The following KIAA1549 variants were observed in gnomAD, a reference collection of about 807,000 sequenced individuals.
The protein encoded by KIAA1549 is KIAA1549.
In KIAA1549, 70 loss-of-function variants were observed where a neutral mutation model predicts 156.4. The observed-to-expected ratio is 0.45, with a 90% confidence interval of 0.37 to 0.55. The LOEUF (loss-of-function observed/expected upper bound fraction) is 0.55. Among genes scored for constraint, KIAA1549 ranks in the 20% least tolerant of loss-of-function variants. KIAA1549 has a pLI of 0.00. For synonymous variants in KIAA1549, 1,103 were observed against 1,066.4 expected, an observed-to-expected ratio of 1.03 and a Z score of -0.67; for missense variants, 2,428 against 2,540.9, an observed-to-expected ratio of 0.96 and a Z score of 0.96.
rs2130317236 is a variant in KIAA1549, at chr7:138,837,278, C to T, written c.*628G>A. 4.4e-6 allele frequency: 1 copy of T among 228,388 alleles called. No homozygotes were observed. Among genetic ancestry groups the T allele is most frequent in the South Asian group, 1.8e-4 (1 of 5,470 alleles). 14.1% of individuals were successfully genotyped at this position (228,388 alleles called of 1,614,324 possible). A position where few individuals can be genotyped will look rare whatever the true frequency, so the allele number is the denominator to read the frequency against. On this transcript the variant is annotated 3_prime_UTR_variant, in exon 20 of 20. Coordinates refer to ENST00000422774, the MANE Select transcript of KIAA1549 (RefSeq NM_001164665.2). Reference sequence around the variant, plus strand: ...ACATGAAGGTGAAGGGCCCTTGGAGCTGTAGCACCAGAAGAAGGAGGAAGA... The same window carrying T: ...ACATGAAGGTGAAGGGCCCTTGGAGTTGTAGCACCAGAAGAAGGAGGAAGA...
chr7:138,888,664 G>A (rs1476497627), intron 10 of KIAA1549, among the ~76,000 whole-genome samples: 1 of 152,186 alleles, frequency 6.6e-6, no homozygotes, highest in Non-Finnish European at 1.5e-5. Flanking sequence ...ATTGATGTAT[G>A]TATGGGCAGA....
At chr7:138,928,434 G>A (rs1028178212) in intron 1 of KIAA1549, among the ~76,000 whole-genome samples, 2 of 151,094 alleles carry the variant, frequency 1.3e-5, no homozygotes, top group East Asian at 2.0e-4. Flanking sequence ...CTATAGGCAC[G>A]TGCCACCACG....
chr7:138,856,405 C>T (rs1993068), intron 16 of KIAA1549, among the ~76,000 whole-genome samples: 12 of 151,818 alleles, frequency 7.9e-5, no homozygotes, highest in African/African-American at 2.2e-4. Context: ...CAGCACCATC[C>T]GCCATTAAAC....
intron 1 of KIAA1549, among the ~76,000 whole-genome samples, chr7:138,935,408 C>A (rs1812981952): frequency 6.6e-6 from 1 of 152,138 alleles, no homozygotes; most frequent in Non-Finnish European, 1.5e-5. Context: ...TTTCACCAAC[C>A]TAGAAAGCAA....
chr7:138,912,351 T>C (rs1027153575), intron 3 of KIAA1549, 21 bp downstream of exon 3: 2 of 1,597,622 alleles, frequency 1.3e-6, no homozygotes, highest in Non-Finnish European at 1.7e-6. Context: ...GACATCACAC[T>C]CCTGAGCCAC....
Position 138,904,918 on chromosome 7 carries a change from T to G in KIAA1549, c.3520+104A>C. 4 of 709,658 alleles carry G rather than the reference T, an allele frequency of 5.6e-6. No homozygotes were observed. In the South Asian group the frequency reaches 7.2e-5, roughly 13 times the overall value. 44.0% of individuals were successfully genotyped at this position (709,658 alleles called of 1,614,324 possible). A position where few individuals can be genotyped will look rare whatever the true frequency, so the allele number is the denominator to read the frequency against. On this transcript the variant is annotated intron_variant, in intron 7 of 19. Transcript: ENST00000422774. ...TCTTTGCCAAGAATGTAAGGTACATTTTGCCCTAAATTTAGGAAACAAGAA... is the reference window on the plus strand; with the variant it reads ...TCTTTGCCAAGAATGTAAGGTACATGTTGCCCTAAATTTAGGAAACAAGAA...
chr7:138,861,111 CAG>C (rs1397422117), intron 16 of KIAA1549, 26 bp downstream of exon 16: 1 of 1,610,188 alleles, frequency 6.2e-7, no homozygotes, highest in Non-Finnish European at 8.5e-7. Context: ...TCTTGCCCAT[CAG>C]AGAATTCTAG....
chr7:138,922,552 A>G (rs538623387), intron 1 of KIAA1549, among the ~76,000 whole-genome samples: 1 of 152,274 alleles, frequency 6.6e-6, no homozygotes, highest in East Asian at 1.9e-4. Context: ...GACTGAAAAC[A>G]TGAGTAATGA....
intron 1 of KIAA1549, among the ~76,000 whole-genome samples, chr7:138,934,580 G>A (rs1045838000): frequency 2.6e-5 from 4 of 152,036 alleles, no homozygotes; most frequent in Non-Finnish European, 4.4e-5. Flanking sequence ...AGAGAGTGCC[G>A]GAGATGAGAG....
chr7:138,871,330 G>A lies in KIAA1549; in HGVS notation c.4378C>T (p.His1460Tyr), dbSNP rs908169146. Reference protein sequence around the residue: ...PPLPSSGNEQHSSASIFEHVD... With the variant: ...PPLPSSGNEQYSSASIFEHVD... ...TGCTCGAAGATGGAGGCTGATGAGT[G>A]CTGCTCATTTCCCGAACTGGGCAGT... is the stretch of plus-strand genomic sequence containing the variant. The change falls in exon 13 of 20, where the codon CAC becomes TAC. Residue 1460 changes from histidine (H) to tyrosine (Y), a missense_variant. This residue lies in a region of KIAA1549 where 404 missense variants were observed against 417.0 expected (regional missense o/e 0.97). Coordinates refer to ENST00000422774, the MANE Select transcript of KIAA1549 (RefSeq NM_001164665.2). 4 of 1,578,384 alleles carry A rather than the reference G, an allele frequency of 2.5e-6. No homozygotes were observed. Among genetic ancestry groups the A allele is most frequent in the Admixed American group, 1.8e-5 (1 of 54,418 alleles).
In KIAA1549 at chr7:138,916,775, C is replaced by A; in HGVS notation, c.2851G>T (p.Val951Phe). ...AKPPYVCDITVPDAYLITTVL... is the reference protein window; with the variant it reads ...AKPPYVCDITFPDAYLITTVL... ...GTTGTGATCAGATAGGCATCGGGGA[C>A]TGTGATATCACAAACATATGGCGGC... The change falls in exon 2 of 20, where the codon GTC (valine) becomes TTC (phenylalanine). Residue 951 changes from valine (V) to phenylalanine (F), a missense_variant. Val to Phe is a conservative substitution (Grantham distance 50, BLOSUM62 -1). This residue lies in a region of KIAA1549 where 762 missense variants were observed against 901.6 expected (regional missense o/e 0.85). Coordinates refer to ENST00000422774, the MANE Select transcript of KIAA1549 (RefSeq NM_001164665.2). The A allele has an allele frequency of 1.2e-6, 2 of 1,613,964 alleles. No homozygotes were observed. Among genetic ancestry groups the A allele is most frequent in the Non-Finnish European group, 1.7e-6 (2 of 1,179,876 alleles).
chr7:138,872,304 T>C (rs1036438112), intron 12 of KIAA1549, among the ~76,000 whole-genome samples: 1 of 151,388 alleles, frequency 6.6e-6, no homozygotes, highest in Admixed American at 6.6e-5. Flanking sequence ...ACATGGCAAA[T>C]TTTAGGCCAT....
At chr7:138,840,449 T>C (rs768517393) in intron 18 of KIAA1549, among the ~76,000 whole-genome samples, 171 bp from the exon 19 acceptor site, 2 of 151,782 alleles carry the variant, frequency 1.3e-5, no homozygotes, top group Non-Finnish European at 2.9e-5. Context: ...ACTGCCATAC[T>C]GTCAGCATTT....
At chr7:138,912,887 T>C (rs1267437030) in intron 2 of KIAA1549, among the ~76,000 whole-genome samples, 4 of 152,312 alleles carry the variant, frequency 2.6e-5, no homozygotes, top group East Asian at 3.9e-4. Flanking sequence ...ATTTTTCTTT[T>C]CTTTTCTTTT....
At position 138,898,879 on chromosome 7, in the gene KIAA1549, G is replaced by C. The variant is rs750989969; in HGVS notation, c.3847+76C>G. 6 of 1,291,726 alleles carry C rather than the reference G, an allele frequency of 4.6e-6. No homozygotes were observed. In the Admixed American group the frequency reaches 7.1e-5, roughly 15 times the overall value. 80.0% of individuals were successfully genotyped at this position (1,291,726 alleles called of 1,614,324 possible). On this transcript the variant is annotated intron_variant, in intron 9 of 19. Coordinates refer to ENST00000422774, the MANE Select transcript of KIAA1549 (RefSeq NM_001164665.2). ...CACACATCGGAATGCTTTACATTCA[G>C]AGCTCACTGTCAGAACGAGCCTGGC...
In KIAA1549 at chr7:138,917,091, T is replaced by A; in HGVS notation, c.2535A>T (p.Pro845=). 6.2e-7 allele frequency: 1 copy of A among 1,609,622 alleles called. No homozygotes were observed. Among genetic ancestry groups the A allele is most frequent in the Non-Finnish European group, 8.5e-7 (1 of 1,177,952 alleles). ...GTVLITDAYL[P]SGSSFVSEAT... is the part of the protein sequence containing the mutation. Reference sequence around the variant, plus strand: ...CTTCAGAAACAAACGAGGATCCTGATGGCAGGTACGCGTCAGTGATCAACA... The same window carrying A: ...CTTCAGAAACAAACGAGGATCCTGAAGGCAGGTACGCGTCAGTGATCAACA... The change falls in exon 2 of 20, where the codon CCA becomes CCT. Residue 845 remains proline, a synonymous_variant. Coordinates refer to ENST00000422774, the MANE Select transcript of KIAA1549 (RefSeq NM_001164665.2).
intron 8 of KIAA1549, among the ~76,000 whole-genome samples, chr7:138,899,905 C>G (rs1002518485): frequency 2.0e-5 from 3 of 152,194 alleles, no homozygotes; most frequent in African/African-American, 7.2e-5. Flanking sequence ...ATCTAGCACA[C>G]TTGACATATC....
At chr7:138,849,680 C>T (rs888794115) in intron 17 of KIAA1549, among the ~76,000 whole-genome samples, 1 of 151,786 alleles carries the variant, frequency 6.6e-6, no homozygotes, top group East Asian at 1.9e-4. Flanking sequence ...AAGCCTAGTA[C>T]CCAATAGTTA....
At chr7:138,950,759 C>T (rs1235594186) in intron 1 of KIAA1549, among the ~76,000 whole-genome samples, 2 of 152,128 alleles carry the variant, frequency 1.3e-5, no homozygotes, top group African/African-American at 4.8e-5. Flanking sequence ...GGGGTTCCCA[C>T]CTCATTGTGG....
Sources: allele counts gnomAD v4.1 joint callset (sites outside exome capture counted in the v4.1 genomes callset), GRCh38; gene constraint gnomAD v4.1.1; regional missense constraint gnomAD v4.1.1; transcripts MANE v1.5; gene names NCBI Gene and HGNC (gene_info 2026-07-23, HGNC 2026-07-21).